Variants in PTBP3 observed in about 807,000 individuals in gnomAD.
PTBP3 encodes polypyrimidine tract-binding protein 3.
Under a neutral mutation model 58.7 loss-of-function variants are expected in PTBP3, and 20 were observed. The ratio of observed to expected loss-of-function variants is 0.34; its 90% CI spans 0.24 to 0.50. The LOEUF (loss-of-function observed/expected upper bound fraction) is 0.50, where lower values mean the gene tolerates loss of function less well. PTBP3 is among the 20% of genes least tolerant of loss of function. The pLI is 0.98. For missense variants in PTBP3, 509 were observed against 637.2 expected (o/e 0.80, Z 2.17); for synonymous variants, 185 against 219.8 (o/e 0.84, Z 1.40).
At chr9:112,299,556 C>G (rs982124816) in intron 1 of PTBP3, among the ~76,000 whole-genome samples, 5 of 152,246 alleles carry the variant, frequency 3.3e-5, no homozygotes, top group African/African-American at 7.2e-5. Flanking sequence ...CCCAAGATAA[C>G]AGAAAAATGA....
the PTBP3 span, among the ~76,000 whole-genome samples, chr9:112,369,126 A>G: frequency 6.6e-6 from 1 of 152,264 alleles, no homozygotes; most frequent in Admixed American, 6.5e-5. Context: ...CTGCAGGGGC[A>G]GAGCCCTCAT....
chr9:112,301,432 T>C (rs772579175), intron 1 of PTBP3, among the ~76,000 whole-genome samples: 3 of 142,972 alleles, frequency 2.1e-5, no homozygotes, highest in South Asian at 2.3e-4. Context: ...CTCTGGAAAG[T>C]AGTTTGGTGT....
chr9:112,349,477 C>T, the PTBP3 span, among the ~76,000 whole-genome samples: 16 of 152,142 alleles, frequency 1.1e-4, no homozygotes, highest in African/African-American at 3.9e-4. Flanking sequence ...TGGTCAGAAG[C>T]ATGGGGACTT....
chr9:112,336,075 T>C (rs532599974), upstream of PTBP3, among the ~76,000 whole-genome samples: 286 of 152,168 alleles, frequency 1.9e-3, no homozygotes, highest in African/African-American at 6.5e-3. Flanking sequence ...AGTTTCACCA[T>C]GTTGGCCAGG....
At chr9:112,353,967 A>T in the PTBP3 span, among the ~76,000 whole-genome samples, 138,385 of 151,114 alleles carry the variant, frequency 0.92, 63,530 homozygotes, top group African/African-American at 0.97. Context: ...TTAAAAAAAA[A>T]ATATATATAG....
chr9:112,332,748 C>T (rs781641456), intron 1 of PTBP3: 3 of 1,608,478 alleles, frequency 1.9e-6, no homozygotes, highest in Non-Finnish European at 2.5e-6. Context: ...ATTTGAAATG[C>T]CCCCGAAAAT....
chr9:112,377,089 C>T, the PTBP3 span, among the ~76,000 whole-genome samples: 1 of 152,174 alleles, frequency 6.6e-6, no homozygotes, highest in African/African-American at 2.4e-5. Context: ...TGGCCATGGC[C>T]AACTAATTTA....
intron 2 of PTBP3, among the ~76,000 whole-genome samples, chr9:112,294,827 T>C (rs1470852838): frequency 6.6e-6 from 1 of 152,056 alleles, no homozygotes. Flanking sequence ...CAAAAATCAA[T>C]AGGTCTTCTC....
the PTBP3 span, among the ~76,000 whole-genome samples, chr9:112,349,380 G>A: frequency 6.6e-6 from 1 of 152,116 alleles, no homozygotes; most frequent in Non-Finnish European, 1.5e-5. Flanking sequence ...TGTAAGTAAA[G>A]TGTTTTCCTG....
intron 2 of PTBP3, among the ~76,000 whole-genome samples, chr9:112,286,822 C>G (rs1828140792): frequency 6.6e-6 from 1 of 152,156 alleles, no homozygotes; most frequent in South Asian, 2.1e-4. Flanking sequence ...CTGCTGCTAA[C>G]AAATGCTCTC....
chr9:112,277,549 T>C (rs770303283), intron 2 of PTBP3, among the ~76,000 whole-genome samples: 1 of 152,010 alleles, frequency 6.6e-6, no homozygotes, highest in Non-Finnish European at 1.5e-5. Context: ...CAGTATCATA[T>C]CAACGTTAAC....
chr9:112,313,476 G>A (rs1269691464), intron 1 of PTBP3, among the ~76,000 whole-genome samples: 1 of 152,186 alleles, frequency 6.6e-6, no homozygotes, highest in Non-Finnish European at 1.5e-5. Flanking sequence ...AAATTTAGCA[G>A]CTGGAAAAAA....
chr9:112,252,282 G>A (rs1364568072), intron 6 of PTBP3: 1 of 201,284 alleles, frequency 5.0e-6, no homozygotes, highest in East Asian at 1.6e-4. Flanking sequence ...CACCCTGAAT[G>A]CACCTGATCT....
chr9:112,224,339 A>G, intron 12 of PTBP3, 129 bp from the exon 13 acceptor site: 1 of 543,144 alleles, frequency 1.8e-6, no homozygotes, highest in Non-Finnish European at 3.1e-6. Flanking sequence ...CAAAGACTTG[A>G]TTTGGAAGTT....
At chr9:112,267,812 AT>A (rs200111351) in intron 4 of PTBP3, among the ~76,000 whole-genome samples, 2,483 of 152,268 alleles carry the variant, frequency 0.016, 31 homozygotes, top group Non-Finnish European at 0.027. Flanking sequence ...AACAATAAAT[AT>A]TTTTTCTCCT....
rs1055923383 is a variant in PTBP3, at chr9:112,221,598, C to A, written c.*2253G>T. Reference sequence around the variant, plus strand: ...TTGCAAAGAAATTTTTTTCCTCCTTCATATACCCCTTGTGTCTAGGTCAAA... The same window carrying A: ...TTGCAAAGAAATTTTTTTCCTCCTTAATATACCCCTTGTGTCTAGGTCAAA... On this transcript the variant is annotated 3_prime_UTR_variant, in exon 14 of 14. Transcript: ENST00000374257. The A allele has an allele frequency of 1.7e-5, 17 of 985,292 alleles. No homozygotes were observed. The highest frequency in any genetic ancestry group is 1.7e-5 in the Non-Finnish European group (14 of 829,912). The allele number at this position is 985,292 out of a possible 1,614,324, so 61.0% of individuals were successfully genotyped here.
At chr9:112,269,885 GA>G (rs1554795289) in intron 3 of PTBP3, among the ~76,000 whole-genome samples, 1 of 150,218 alleles carries the variant, frequency 6.7e-6, no homozygotes, top group Non-Finnish European at 1.5e-5. Context: ...GAAGAAACAA[GA>G]AAAAAACCAA....
intron 3 of PTBP3, among the ~76,000 whole-genome samples, chr9:112,270,209 T>C (rs990160715): frequency 6.6e-6 from 1 of 152,230 alleles, no homozygotes; most frequent in African/African-American, 2.4e-5. Flanking sequence ...CCCAGAATGC[T>C]GGGATTACAG....
chr9:112,318,399 C>A (rs988927819), intron 1 of PTBP3, among the ~76,000 whole-genome samples: 1 of 152,122 alleles, frequency 6.6e-6, no homozygotes, highest in Non-Finnish European at 1.5e-5. Flanking sequence ...AGAAAAATGG[C>A]ATACATGTGC....
Sources: allele counts gnomAD v4.1 joint callset (sites outside exome capture counted in the v4.1 genomes callset), GRCh38; gene constraint gnomAD v4.1.1; transcripts MANE v1.5; gene names NCBI Gene and HGNC (gene_info 2026-07-23, HGNC 2026-07-21).